Variants in PLEKHM3 observed in about 807,000 individuals in gnomAD.
The protein encoded by PLEKHM3 is pleckstrin homology domain-containing family M member 3.
In PLEKHM3, 45 loss-of-function variants were observed where a neutral mutation model predicts 81.8. The ratio of observed to expected loss-of-function variants is 0.55; its 90% CI spans 0.43 to 0.71. PLEKHM3 has a LOEUF of 0.71. Ranked by LOEUF, PLEKHM3 falls within the 30% of genes least tolerant of loss-of-function variation. PLEKHM3 has a pLI of 0.00. For missense variants in PLEKHM3, 788 were observed against 924.3 expected, an observed-to-expected ratio of 0.85 and a Z score of 1.91; for synonymous variants, 352 against 356.4, an observed-to-expected ratio of 0.99 and a Z score of 0.14.
intron 6 of PLEKHM3, among the ~76,000 whole-genome samples, chr2:207,865,622 A>C (rs2092491314): frequency 6.6e-6 from 1 of 150,880 alleles, no homozygotes; most frequent in Admixed American, 6.6e-5. Flanking sequence ...TACTAAAAAT[A>C]CAAAAAAATT....
chr2:207,875,943 A>G (rs527290570), intron 6 of PLEKHM3, among the ~76,000 whole-genome samples: 2 of 152,372 alleles, frequency 1.3e-5, no homozygotes, highest in African/African-American at 4.8e-5. Context: ...GAATGAGGTA[A>G]ATCTTCATGT....
Position 207,827,530 on chromosome 2 carries a change from T to A in PLEKHM3, c.*789A>T, listed in dbSNP as rs2092257911. 6.6e-6 allele frequency: 1 copy of A among 152,132 alleles called. No individual in the cohort carries two copies. Among genetic ancestry groups the A allele is most frequent in the Non-Finnish European group, 1.5e-5 (1 of 68,022 alleles). The allele number at this position is 152,132 out of a possible 1,614,324, so 9.4% of individuals were successfully genotyped here. On this transcript the variant is annotated 3_prime_UTR_variant, in exon 8 of 8. Transcript: ENST00000427836. ...CATGTGTACAGCCTGGAAAACACGG[T>A]GGAGCGTCACATCATTAGGTGGGTG...
intron 6 of PLEKHM3, among the ~76,000 whole-genome samples, chr2:207,885,348 T>C (rs1368241544): frequency 6.6e-6 from 1 of 152,228 alleles, no homozygotes; most frequent in Non-Finnish European, 1.5e-5. Flanking sequence ...ACTTTGCTTC[T>C]TGTTTGTGCT....
intron 1 of PLEKHM3, among the ~76,000 whole-genome samples, chr2:208,002,653 T>G: frequency 6.6e-6 from 1 of 152,184 alleles, no homozygotes; most frequent in East Asian, 1.9e-4. Context: ...CATCCTTTTC[T>G]GTCTACAGAA....
At chr2:207,880,176 G>T (rs1350628322) in intron 6 of PLEKHM3, among the ~76,000 whole-genome samples, 3 of 152,006 alleles carry the variant, frequency 2.0e-5, no homozygotes, top group Non-Finnish European at 4.4e-5. Context: ...GGAGGCCAAG[G>T]TGGGAGGATC....
chr2:207,846,065 A>G (rs529633061), intron 7 of PLEKHM3, among the ~76,000 whole-genome samples: 1 of 152,362 alleles, frequency 6.6e-6, no homozygotes, highest in East Asian at 1.9e-4. Context: ...GGTCCAGCAG[A>G]GTGGTGGCTT....
chr2:207,852,145 G>A (rs1008030930), intron 7 of PLEKHM3, among the ~76,000 whole-genome samples: 1 of 152,232 alleles, frequency 6.6e-6, no homozygotes, highest in Non-Finnish European at 1.5e-5. Flanking sequence ...TTGATTTTAG[G>A]GGGTATATGG....
In PLEKHM3 at chr2:208,001,167, T is replaced by C. The variant is rs759218637; in HGVS notation, c.473A>G (p.Asp158Gly). 2 of 1,614,022 alleles carry C rather than the reference T, an allele frequency of 1.2e-6. No individual in the cohort carries two copies. Among genetic ancestry groups the C allele is most frequent in the South Asian group, 2.2e-5 (2 of 91,080 alleles). ...ARSRSDITQV[D>G]WRVVLKTTPL... ...CGTGGTTTTGAGGACTACCCTCCAG[T>C]CCACTTGGGTAATATCTGATCGTGA... is the stretch of plus-strand genomic sequence containing the variant. Residue 158 changes from aspartate (D) to glycine (G), a missense_variant, in exon 2 of 8, where the codon GAC becomes GGC. Asp to Gly is a moderately conservative substitution (Grantham distance 94). Coordinates refer to ENST00000427836, the MANE Select transcript of PLEKHM3 (RefSeq NM_001080475.3).
At chr2:208,016,143 G>A (rs997530155) in intron 1 of PLEKHM3, among the ~76,000 whole-genome samples, 4 of 152,104 alleles carry the variant, frequency 2.6e-5, no homozygotes, top group Non-Finnish European at 4.4e-5. Flanking sequence ...GCAGTGAGCC[G>A]AGATTGCACC....
intron 1 of PLEKHM3, among the ~76,000 whole-genome samples, chr2:208,020,319 T>C (rs1478495028): frequency 1.3e-5 from 2 of 152,228 alleles, no homozygotes; most frequent in Non-Finnish European, 2.9e-5. Context: ...AGATTAACAA[T>C]TAATGAGTGT....
chr2:207,942,446 A>C (rs556160132), intron 4 of PLEKHM3, among the ~76,000 whole-genome samples: 1 of 152,338 alleles, frequency 6.6e-6, no homozygotes, highest in Admixed American at 6.5e-5. Context: ...CAGGAGGTCA[A>C]GGCTGCAGTG....
At chr2:207,884,624 G>A (rs1442215570) in intron 6 of PLEKHM3, among the ~76,000 whole-genome samples, 1 of 152,132 alleles carries the variant, frequency 6.6e-6, no homozygotes, top group East Asian at 1.9e-4. Flanking sequence ...AGTAAAAAAG[G>A]TAGTGTTACT....
At chr2:207,951,019 C>A (rs559803196) in intron 3 of PLEKHM3, among the ~76,000 whole-genome samples, 2 of 152,304 alleles carry the variant, frequency 1.3e-5, no homozygotes, top group South Asian at 4.1e-4. Context: ...TAAAAAACAA[C>A]ACATGCCATT....
chr2:207,923,851 G>GCACA (rs1559238663), intron 5 of PLEKHM3, among the ~76,000 whole-genome samples: 4 of 36,804 alleles, frequency 1.1e-4, no homozygotes, highest in East Asian at 5.9e-4. Flanking sequence ...ACATACACAC[G>GCACA]CACGCACACA....
chr2:207,912,761 T>C (rs1688849304), intron 5 of PLEKHM3, among the ~76,000 whole-genome samples: 1 of 152,170 alleles, frequency 6.6e-6, no homozygotes, highest in African/African-American at 2.4e-5. Context: ...TATTTAGAAA[T>C]AGGGACTCAC....
chr2:207,921,898 C>T (rs1689194627), intron 5 of PLEKHM3, among the ~76,000 whole-genome samples: 1 of 152,156 alleles, frequency 6.6e-6, no homozygotes, highest in African/African-American at 2.4e-5. Context: ...TTTTCTTTGT[C>T]CATTTGATGG....
At chr2:207,898,047 A>G (rs575591048) in intron 6 of PLEKHM3, among the ~76,000 whole-genome samples, 1 of 152,244 alleles carries the variant, frequency 6.6e-6, no homozygotes, top group East Asian at 1.9e-4. Flanking sequence ...TAGTATCTCA[A>G]GGGTTTGGGA....
rs139673598 is a variant in PLEKHM3, at chr2:207,915,050, G to C, written c.1887-6473C>G. Among the ~76,000 whole-genome samples the C allele has an allele frequency of 4.1e-3, 630 of 152,270 alleles. 29 individuals are homozygous for C. The highest frequency in any genetic ancestry group is 0.039 in the Admixed American group (589 of 15,292). On this transcript the variant is annotated intron_variant, in intron 5 of 7. Coordinates refer to ENST00000427836, the MANE Select transcript of PLEKHM3 (RefSeq NM_001080475.3). ...AGCAGGTAGCACTACCGAGTTTCCT[G>C]GTAGCAAAGAACATTGAAGAAACGT...
At position 207,825,287 on chromosome 2, in the gene PLEKHM3, T is replaced by C. The variant is rs1439674079; in HGVS notation, c.*3032A>G. On this transcript the variant is annotated 3_prime_UTR_variant, in exon 8 of 8. Coordinates refer to ENST00000427836, the MANE Select transcript of PLEKHM3 (RefSeq NM_001080475.3). The stretch of plus-strand genomic sequence containing the variant: ...CTCACACATGAGTTTCTGGCACTTT[T>C]AGGAGGGATTTCCTCAAGTGATACA... 1 of 152,186 alleles carries C rather than the reference T, an allele frequency of 6.6e-6. No homozygotes were observed. The highest frequency in any genetic ancestry group is 1.5e-5 in the Non-Finnish European group (1 of 68,026). 9.4% of individuals were successfully genotyped at this position (152,186 alleles called of 1,614,324 possible).
Sources: gnomAD v4.1 joint callset for allele counts (sites outside exome capture counted in the v4.1 genomes callset) on GRCh38, gnomAD v4.1.1 for gene constraint, MANE v1.5 for transcripts, NCBI Gene and HGNC (gene_info 2026-07-23, HGNC 2026-07-21) for gene names.